The following CRACDL variants were observed in gnomAD, a reference collection of about 807,000 sequenced individuals.
The protein encoded by CRACDL is CRACD like.
Under a neutral mutation model 70.6 loss-of-function variants are expected in CRACDL, and 26 were observed. That is an observed-to-expected ratio of 0.37 (90% confidence interval 0.27 to 0.51). The LOEUF (loss-of-function observed/expected upper bound fraction) is 0.51, where lower values mean the gene tolerates loss of function less well. CRACDL is among the 20% of genes least tolerant of loss of function. The probability of loss-of-function intolerance (pLI) is 0.94; values close to 1 mark genes in which losing one functional copy is unlikely to be tolerated. For missense variants in CRACDL, 1,283 were observed against 1,376.9 expected, an observed-to-expected ratio of 0.93 and a Z score of 1.08; for synonymous variants, 618 against 615.2, an observed-to-expected ratio of 1.00 and a Z score of -0.07.
chr2:98,910,255 C>T (rs982752508), intron 1 of CRACDL, among the ~76,000 whole-genome samples: 1 of 152,148 alleles, frequency 6.6e-6, no homozygotes, highest in Non-Finnish European at 1.5e-5. Context: ...TGTGGTGGCT[C>T]ACACCTGTAA....
chr2:98,925,227 C>A (rs1409530491), intron 1 of CRACDL, among the ~76,000 whole-genome samples: 1 of 152,180 alleles, frequency 6.6e-6, no homozygotes, highest in Non-Finnish European at 1.5e-5. Context: ...GAATGAAGGG[C>A]CCCTCCCTTG....
chr2:98,821,772 C>T, intron 7 of CRACDL, 85 bp downstream of exon 7: 1 of 1,485,358 alleles, frequency 6.7e-7, no homozygotes, highest in Non-Finnish European at 9.0e-7. Flanking sequence ...GTACCAGGAG[C>T]ATTTGGCGAG....
chr2:98,880,930 C>A (rs918676211), intron 1 of CRACDL, among the ~76,000 whole-genome samples: 7 of 152,222 alleles, frequency 4.6e-5, no homozygotes, highest in Admixed American at 2.0e-4. Context: ...TGAAGGAGAA[C>A]TTGCAGAATG....
At chr2:98,797,618 C>T in intron 7 of CRACDL, 81 bp from the exon 8 acceptor site, 1 of 1,355,762 alleles carries the variant, frequency 7.4e-7, no homozygotes, top group Non-Finnish European at 1.0e-6. Flanking sequence ...GCACAGAGAA[C>T]ACTACTGCTT....
chr2:98,931,848 A>G (rs1709087032), intron 1 of CRACDL, among the ~76,000 whole-genome samples: 1 of 152,162 alleles, frequency 6.6e-6, no homozygotes, highest in Non-Finnish European at 1.5e-5. Context: ...ATCATTTCCC[A>G]TCATTTCACT....
intron 1 of CRACDL, among the ~76,000 whole-genome samples, chr2:98,888,877 C>G (rs1186628460): frequency 1.3e-5 from 2 of 152,130 alleles, no homozygotes; most frequent in East Asian, 3.8e-4. Context: ...CGCCTGTAAT[C>G]CCAGCACTTT....
intron 7 of CRACDL, among the ~76,000 whole-genome samples, chr2:98,798,115 G>T (rs752321324): frequency 6.6e-6 from 1 of 152,106 alleles, no homozygotes; most frequent in Non-Finnish European, 1.5e-5. Context: ...AGGCCAAGAG[G>T]GGGTGGATCA....
At chr2:98,800,983 G>A (rs1704051280) in intron 7 of CRACDL, among the ~76,000 whole-genome samples, 1 of 152,198 alleles carries the variant, frequency 6.6e-6, no homozygotes, top group Non-Finnish European at 1.5e-5. Context: ...AGACCCACGG[G>A]AGTGGGTGGG....
chr2:98,796,113 T>G lies in CRACDL; in HGVS notation c.2749+7A>C, dbSNP rs1406012373. 1 of 1,612,248 alleles carries G rather than the reference T, an allele frequency of 6.2e-7. No individual in the cohort carries two copies. The highest frequency in any genetic ancestry group is 1.3e-5 in the African/African-American group (1 of 74,932). ...AAAGTATGTGGTAATGTTTGCAGAT[T>G]TCATACCCAAGTTCTGATGGGACAA... On this transcript the variant is annotated splice_region_variant and intron_variant, in intron 9 of 9. Coordinates refer to ENST00000397899, the MANE Select transcript of CRACDL (RefSeq NM_207362.3).
chr2:98,839,273 G>A (rs561722756), intron 2 of CRACDL, among the ~76,000 whole-genome samples: 2 of 152,272 alleles, frequency 1.3e-5, no homozygotes, highest in South Asian at 4.1e-4. Context: ...CATCATTACA[G>A]GTAGAACAAA....
rs58312556 is a variant in CRACDL, at chr2:98,918,539, C to CAA, written c.-11+17397_-11+17398dup. Reference sequence around the variant, plus strand: ...GGCGACAGAGCAAGATGTTGTCTACCAAAAAAAAAAAAAAAAAAAAAAAAA... The same window carrying CAA: ...GGCGACAGAGCAAGATGTTGTCTACCAAAAAAAAAAAAAAAAAAAAAAAAAAA... On this transcript the variant is annotated intron_variant, in intron 1 of 9. Transcript: ENST00000397899. 2.7e-3 allele frequency among the ~76,000 whole-genome samples: 180 copies of CAA among 66,330 alleles called. 3 individuals carry two copies. The highest frequency in any genetic ancestry group is 6.1e-3 in the South Asian group (10 of 1,642). The allele number at this position is 66,330 out of a possible 152,430, so 43.5% of individuals were successfully genotyped here.
At chr2:98,922,083 CTTTCT>C (rs1287547211) in intron 1 of CRACDL, among the ~76,000 whole-genome samples, 2 of 151,980 alleles carry the variant, frequency 1.3e-5, no homozygotes, top group Non-Finnish European at 2.9e-5. Context: ...TTTTTGATTT[CTTTCT>C]TTTCTTTTCT....
intron 7 of CRACDL, 115 bp from the exon 8 acceptor site, chr2:98,797,652 G>A (rs1408070786): frequency 2.2e-6 from 2 of 926,098 alleles, no homozygotes; most frequent in Non-Finnish European, 3.3e-6. Flanking sequence ...CAGGGTGTCT[G>A]GGAGAGGATT....
intron 1 of CRACDL, among the ~76,000 whole-genome samples, chr2:98,904,476 A>G (rs1271875322): frequency 2.6e-5 from 4 of 152,126 alleles, no homozygotes; most frequent in African/African-American, 9.7e-5. Flanking sequence ...AACCCACGTG[A>G]TTGTTCTCAG....
intron 1 of CRACDL, among the ~76,000 whole-genome samples, chr2:98,901,531 A>G (rs946751042): frequency 2.0e-5 from 3 of 152,236 alleles, no homozygotes; most frequent in Non-Finnish European, 4.4e-5. Context: ...TGGGGGCCGC[A>G]GGTGGACAGC....
At position 98,898,781 on chromosome 2, in the gene CRACDL, C is replaced by T. The variant is rs141918560; in HGVS notation, c.-11+37157G>A. Among the ~76,000 whole-genome samples, 1,262 of 152,290 alleles carry T rather than the reference C, an allele frequency of 8.3e-3. 15 individuals are homozygous for T. The highest frequency in any genetic ancestry group is 0.033 in the South Asian group (160 of 4,822). Reference sequence around the variant, plus strand: ...AGGATGAGTGCAACAGAGCCGCCGCCGCTGTGTTTAAGCAGCATAAAGGCT... The same window carrying T: ...AGGATGAGTGCAACAGAGCCGCCGCTGCTGTGTTTAAGCAGCATAAAGGCT... On this transcript the variant is annotated intron_variant, in intron 1 of 9. Transcript: ENST00000397899.
At chr2:98,933,602 C>T (rs1222395688) in intron 1 of CRACDL, among the ~76,000 whole-genome samples, 1 of 152,136 alleles carries the variant, frequency 6.6e-6, no homozygotes, top group Non-Finnish European at 1.5e-5. Context: ...CCACCTGCAA[C>T]ACAAGCAGTA....
At chr2:98,871,244 C>T (rs1707335764) in intron 1 of CRACDL, among the ~76,000 whole-genome samples, 1 of 152,248 alleles carries the variant, frequency 6.6e-6, no homozygotes, top group African/African-American at 2.4e-5. Context: ...TAAACTGCAA[C>T]AGAAAATATC....
At chr2:98,887,036 A>C (rs2104626748) in intron 1 of CRACDL, among the ~76,000 whole-genome samples, 1 of 152,334 alleles carries the variant, frequency 6.6e-6, no homozygotes, top group Admixed American at 6.5e-5. Context: ...TTTTAAAGAG[A>C]ACCAATAGAA....
Sources: gnomAD v4.1 joint callset for allele counts (sites outside exome capture counted in the v4.1 genomes callset) on GRCh38, gnomAD v4.1.1 for gene constraint, MANE v1.5 for transcripts, NCBI Gene and HGNC (gene_info 2026-07-23, HGNC 2026-07-21) for gene names.